Variants in NFASC observed in about 807,000 individuals in gnomAD.
NFASC encodes the protein neurofascin homolog.
NFASC carries 43 observed loss-of-function variants against 147.5 expected under a neutral mutation model. The observed-to-expected ratio is 0.29, with a 90% CI of 0.23 to 0.38. The LOEUF (loss-of-function observed/expected upper bound fraction) is 0.38, where lower values mean the gene tolerates loss of function less well. Among genes scored for constraint, NFASC ranks in the 10% least tolerant of loss-of-function variants. The pLI is 1.00. For synonymous variants in NFASC, 622 were observed against 665.5 expected, an observed-to-expected ratio of 0.93 and a Z score of 1.01; for missense variants, 1,320 against 1,689.0, an observed-to-expected ratio of 0.78 and a Z score of 3.83.
chr1:204,967,979 A>G, intron 8 of NFASC: 1 of 342,046 alleles, frequency 2.9e-6, no homozygotes, highest in South Asian at 3.4e-5. Flanking sequence ...GTTCCAGGGA[A>G]GGGGAGATTC....
intron 20 of NFASC, among the ~76,000 whole-genome samples, chr1:204,980,919 C>T (rs1323783516): frequency 6.6e-6 from 1 of 152,164 alleles, no homozygotes; most frequent in East Asian, 1.9e-4. Context: ...TAGGTCATTC[C>T]AAAGACTCCC....
At chr1:205,007,691 G>T (rs2096152024) in intron 27 of NFASC, among the ~76,000 whole-genome samples, 2 of 152,152 alleles carry the variant, frequency 1.3e-5, no homozygotes, top group Admixed American at 1.3e-4. Flanking sequence ...AGAAGAAAAA[G>T]CAGCAGATGC....
At chr1:204,843,305 G>C in intron 1 of NFASC, among the ~76,000 whole-genome samples, 1 of 152,170 alleles carries the variant, frequency 6.6e-6, no homozygotes, top group East Asian at 1.9e-4. Flanking sequence ...ATGTTATTGA[G>C]ATGGTTAATC....
At chr1:204,971,097 A>T (rs2095236217) in intron 11 of NFASC, among the ~76,000 whole-genome samples, 2 of 152,002 alleles carry the variant, frequency 1.3e-5, no homozygotes, top group South Asian at 4.2e-4. Flanking sequence ...TTGGGCTTTG[A>T]GTGATGGCTG....
intron 1 of NFASC, among the ~76,000 whole-genome samples, chr1:204,912,310 G>A (rs542966707): frequency 1.8e-4 from 28 of 151,744 alleles, no homozygotes; most frequent in African/African-American, 5.6e-4. Flanking sequence ...TGTGTCCCTC[G>A]GATTTTGATA....
intron 8 of NFASC, chr1:204,962,032 T>A: frequency 8.6e-7 from 1 of 1,161,528 alleles, no homozygotes; most frequent in Non-Finnish European, 1.3e-6. Context: ...GCTTTGCATT[T>A]GTTTTCTCTC....
At position 204,997,214 on chromosome 1, in the gene NFASC, G is replaced by A. The variant is rs2150785847; in HGVS notation, c.2827G>A (p.Val943Met). The A allele has an allele frequency of 6.2e-7, 1 of 1,613,804 alleles. No homozygotes were observed. The highest frequency in any genetic ancestry group is 8.5e-7 in the Non-Finnish European group (1 of 1,179,798). Residue 943 changes from valine (V) to methionine (M), a missense_variant, in exon 25 of 30, where the codon GTG (valine) becomes ATG (methionine). Val to Met is a conservative substitution (Grantham distance 21). This residue lies in a region of NFASC where 981 missense variants were observed against 1,289.5 expected (regional missense o/e 0.76). Coordinates refer to ENST00000339876, the MANE Select transcript of NFASC (RefSeq NM_001005388.3). The part of the protein sequence containing the change: ...PPTTVGATGA[V>M]SSTDATAIAA... The stretch of plus-strand genomic sequence containing the variant: ...GACTACCGTGGGTGCGACGGGCGCT[G>A]TGAGCAGTACCGATGCTACTGCCAT...
chr1:204,909,485 A>G (rs553084819), intron 1 of NFASC, among the ~76,000 whole-genome samples: 1 of 147,926 alleles, frequency 6.8e-6, no homozygotes, highest in South Asian at 2.1e-4. Flanking sequence ...AAAGTTCTTC[A>G]CATATTCTAG....
Position 204,987,011 on chromosome 1 carries a change from G to T in NFASC, c.2471-407G>T. 1 of 184,958 alleles carries T rather than the reference G, an allele frequency of 5.4e-6. No individual in the cohort carries two copies. Among genetic ancestry groups the T allele is most frequent in the Non-Finnish European group, 1.1e-5 (1 of 89,032 alleles). 11.5% of individuals were successfully genotyped at this position (184,958 alleles called of 1,614,324 possible). On this transcript the variant is annotated intron_variant, in intron 21 of 29. Coordinates refer to ENST00000339876, the MANE Select transcript of NFASC (RefSeq NM_001005388.3). This position sits in a 1 kb window ranked among gnomAD's most constrained non-coding sequence, Gnocchi z 4.4. Reference sequence around the variant, plus strand: ...GGGCCTGCTGCCTGGACCCAGTGATGAGAATCCTTATCTGAGGATAGGGAA... The same window carrying T: ...GGGCCTGCTGCCTGGACCCAGTGATTAGAATCCTTATCTGAGGATAGGGAA...
chr1:204,884,653 T>G (rs1054944823), intron 1 of NFASC, among the ~76,000 whole-genome samples: 2 of 151,990 alleles, frequency 1.3e-5, no homozygotes, highest in African/African-American at 4.8e-5. Flanking sequence ...GCTTGAAAAA[T>G]GGAGTTAATA....
intron 1 of NFASC, among the ~76,000 whole-genome samples, chr1:204,859,727 C>T (rs2076499893): frequency 6.6e-6 from 1 of 152,190 alleles, no homozygotes; most frequent in Non-Finnish European, 1.5e-5. Flanking sequence ...AATTTACTGG[C>T]TGTAACAACT....
chr1:205,006,599 T>A (rs758732690), intron 27 of NFASC, among the ~76,000 whole-genome samples: 3 of 151,958 alleles, frequency 2.0e-5, no homozygotes, highest in Non-Finnish European at 2.9e-5. Flanking sequence ...TGGAGAGTAA[T>A]GAAAGGTGGC....
chr1:204,893,451 G>C (rs1166456718), intron 1 of NFASC, among the ~76,000 whole-genome samples: 1 of 152,208 alleles, frequency 6.6e-6, no homozygotes, highest in Non-Finnish European at 1.5e-5. Context: ...ATCTCTGAGA[G>C]TGGCACCTGG....
chr1:204,891,767 T>C (rs2082439293), intron 1 of NFASC, among the ~76,000 whole-genome samples: 1 of 152,198 alleles, frequency 6.6e-6, no homozygotes, highest in Non-Finnish European at 1.5e-5. Flanking sequence ...ATTGTTTTCC[T>C]ATGGGGGACT....
At chr1:204,893,080 AATAG>A (rs2082712258) in intron 1 of NFASC, among the ~76,000 whole-genome samples, 1 of 152,250 alleles carries the variant, frequency 6.6e-6, no homozygotes, top group East Asian at 1.9e-4. Context: ...GGATAGAGTA[AATAG>A]ATACTCTGGA....
At position 204,968,696 on chromosome 1, in the gene NFASC, G is replaced by A. The variant is rs780936557; in HGVS notation, c.819-102G>A. On this transcript the variant is annotated intron_variant, in intron 9 of 29. Transcript: ENST00000339876. The surrounding 1 kb of genome is among the most constrained non-coding windows in gnomAD (Gnocchi z 5.4). Reference sequence around the variant, plus strand: ...TTTTAGAGGACATGCATCCTCCTGGGCCCAAGTATACTTTTAGGCCACCTG... The same window carrying A: ...TTTTAGAGGACATGCATCCTCCTGGACCCAAGTATACTTTTAGGCCACCTG... The A allele has an allele frequency of 1.9e-6, 2 of 1,035,634 alleles. No homozygotes were observed. The highest frequency in any genetic ancestry group is 2.8e-6 in the Non-Finnish European group (2 of 717,150). 64.2% of individuals were successfully genotyped at this position (1,035,634 alleles called of 1,614,324 possible). A position where few individuals can be genotyped will look rare whatever the true frequency, so the allele number is the denominator to read the frequency against.
intron 1 of NFASC, among the ~76,000 whole-genome samples, chr1:204,888,466 G>T (rs1440089231): frequency 6.6e-6 from 1 of 152,158 alleles, no homozygotes; most frequent in Non-Finnish European, 1.5e-5. Flanking sequence ...ACAAAAAGCA[G>T]ATTGGTCATT....
intron 1 of NFASC, among the ~76,000 whole-genome samples, chr1:204,895,857 G>A (rs763154575): frequency 2.0e-5 from 3 of 152,110 alleles, no homozygotes; most frequent in Admixed American, 6.5e-5. Flanking sequence ...CTTTATGTAA[G>A]TGACTCCTCT....
At chr1:204,994,572 C>T (rs570366713) in intron 24 of NFASC, among the ~76,000 whole-genome samples, 17 of 152,302 alleles carry the variant, frequency 1.1e-4, no homozygotes, top group Non-Finnish European at 2.2e-4. Flanking sequence ...AAATGTAGCA[C>T]CACTGCACCT....
Sources: allele counts gnomAD v4.1 joint callset (sites outside exome capture counted in the v4.1 genomes callset), GRCh38; gene constraint gnomAD v4.1.1; regional missense constraint gnomAD v4.1.1; non-coding constraint Gnocchi (gnomAD v3.1); transcripts MANE v1.5; gene names NCBI Gene and HGNC (gene_info 2026-07-23, HGNC 2026-07-21).